Variants in WDR35 observed in about 807,000 individuals in gnomAD.
WDR35 encodes WD repeat domain 35.
WDR35 carries 118 observed loss-of-function variants against 158.3 expected under a neutral mutation model. The ratio of observed to expected loss-of-function variants is 0.75; its 90% CI spans 0.64 to 0.87. The LOEUF (loss-of-function observed/expected upper bound fraction) is 0.87. Among genes scored for constraint, WDR35 ranks in the 40% least tolerant of loss-of-function variants. The pLI, the probability that WDR35 is intolerant of heterozygous loss-of-function variation, is 0.00. For missense variants in WDR35, 1,263 were observed against 1,405.8 expected (o/e 0.90, Z 1.62); for synonymous variants, 448 against 476.1 (o/e 0.94, Z 0.77).
chr2:19,972,863 CA>C (rs1022668002), intron 8 of WDR35, among the ~76,000 whole-genome samples: 1 of 151,938 alleles, frequency 6.6e-6, no homozygotes, highest in Non-Finnish European at 1.5e-5. Context: ...ATAAGACATT[CA>C]AAAAACGTAT....
At chr2:19,957,464 A>G (rs886851698) in intron 11 of WDR35, among the ~76,000 whole-genome samples, 1 of 152,218 alleles carries the variant, frequency 6.6e-6, no homozygotes, top group Admixed American at 6.5e-5. Flanking sequence ...TTTTAGGACA[A>G]GAACACAGCC....
intron 25 of WDR35, among the ~76,000 whole-genome samples, chr2:19,919,618 C>G (rs532288990): frequency 5.7e-4 from 87 of 152,114 alleles, no homozygotes; most frequent in African/African-American, 1.8e-3. Context: ...ACTAAATGCC[C>G]ACATGGGAAA....
At chr2:19,981,845 A>G (rs913120741) in intron 3 of WDR35, among the ~76,000 whole-genome samples, 3 of 152,180 alleles carry the variant, frequency 2.0e-5, no homozygotes, top group Non-Finnish European at 4.4e-5. Context: ...ATCTGGAATC[A>G]TAGGACAGAT....
chr2:19,973,764 T>C (rs1672104926), intron 7 of WDR35, 56 bp from the exon 8 acceptor site: 6 of 1,564,870 alleles, frequency 3.8e-6, no homozygotes, highest in African/African-American at 1.4e-5. Flanking sequence ...CCTAGAGAAC[T>C]TTATAATCTT....
At chr2:19,931,936 A>G (rs575280403) in intron 23 of WDR35, among the ~76,000 whole-genome samples, 35 of 152,274 alleles carry the variant, frequency 2.3e-4, no homozygotes, top group African/African-American at 7.5e-4. Flanking sequence ...GTAAAGCGTA[A>G]TATTTAAAAC....
intron 25 of WDR35, among the ~76,000 whole-genome samples, chr2:19,914,800 A>ATG (rs1236804429): frequency 2.6e-5 from 4 of 152,166 alleles, no homozygotes; most frequent in Non-Finnish European, 2.9e-5. Context: ...TCACTGAAAC[A>ATG]ATAGGATTTT....
chr2:19,959,322 A>C (rs1172299207), intron 11 of WDR35, among the ~76,000 whole-genome samples: 2 of 152,104 alleles, frequency 1.3e-5, no homozygotes, highest in African/African-American at 4.8e-5. Flanking sequence ...AAAACTTTGG[A>C]TATTAAAAGA....
At position 19,914,803 on chromosome 2, in the gene WDR35, A is replaced by G. The variant is rs564403975; in HGVS notation, c.3122-526T>C. On this transcript the variant is annotated intron_variant, in intron 25 of 26. Transcript: ENST00000281405. ...TTGTCATTTGTCTCACTGAAACAATAGGATTTTGTGAAAAAGTGAAAATGA... is the reference window on the plus strand; with the variant it reads ...TTGTCATTTGTCTCACTGAAACAATGGGATTTTGTGAAAAAGTGAAAATGA... 1.4e-3 allele frequency among the ~76,000 whole-genome samples: 213 copies of G among 152,312 alleles called. 2 individuals are homozygous for G. Among genetic ancestry groups the G allele is most frequent in the African/African-American group, 5.0e-3 (207 of 41,564 alleles).
chr2:19,976,036 A>C (rs376973713), intron 5 of WDR35, among the ~76,000 whole-genome samples: 6 of 152,300 alleles, frequency 3.9e-5, no homozygotes, highest in African/African-American at 1.4e-4. Flanking sequence ...CCACTAATAC[A>C]AAAGAAGAGG....
At chr2:19,982,800 C>A (rs1383248460) in intron 2 of WDR35, among the ~76,000 whole-genome samples, 15 of 151,950 alleles carry the variant, frequency 9.9e-5, no homozygotes, top group Admixed American at 9.8e-4. Flanking sequence ...TATTCCTTTC[C>A]AAAAGACCAC....
intron 11 of WDR35, among the ~76,000 whole-genome samples, chr2:19,955,365 T>G (rs1671393252): frequency 6.6e-6 from 1 of 152,214 alleles, no homozygotes; most frequent in Non-Finnish European, 1.5e-5. Context: ...TGGAAATATA[T>G]TCTCCTAAGC....
chr2:19,946,064 T>TA, intron 15 of WDR35, 68 bp from the exon 16 acceptor site: 1 of 1,469,202 alleles, frequency 6.8e-7, no homozygotes, highest in African/African-American at 1.4e-5. Context: ...TGAGAATAAT[T>TA]ACCTATAGCC....
chr2:19,956,992 A>T (rs1294734367), intron 11 of WDR35, among the ~76,000 whole-genome samples: 1 of 152,228 alleles, frequency 6.6e-6, no homozygotes, highest in Non-Finnish European at 1.5e-5. Context: ...TATATAACAC[A>T]TATTAACTCA....
intron 11 of WDR35, among the ~76,000 whole-genome samples, chr2:19,954,826 G>T (rs1356508304): frequency 3.9e-5 from 6 of 152,060 alleles, no homozygotes; most frequent in Non-Finnish European, 7.4e-5. Context: ...ATAAAAACAT[G>T]TCCACACAAA....
At chr2:19,984,041 ACATATATACAC>A (rs2103466896) in intron 2 of WDR35, among the ~76,000 whole-genome samples, 1 of 1,634 alleles carries the variant, frequency 6.1e-4, no homozygotes, top group African/African-American at 1.4e-3. Flanking sequence ...ATATATATAT[ACATATATACAC>A]ACACCCACAT....
intron 19 of WDR35, among the ~76,000 whole-genome samples, chr2:19,936,715 C>T (rs1327262497): frequency 6.6e-6 from 1 of 152,166 alleles, no homozygotes; most frequent in African/African-American, 2.4e-5. Context: ...TTTTCACTTT[C>T]CACCATGTAA....
chr2:19,963,510 C>G (rs1219796784), intron 10 of WDR35, among the ~76,000 whole-genome samples: 3 of 152,068 alleles, frequency 2.0e-5, no homozygotes, highest in African/African-American at 7.2e-5. Flanking sequence ...TCTCTTGGAG[C>G]CTTCTGACCT....
At chr2:19,966,661 G>A (rs1358710352) in intron 10 of WDR35, 63 bp downstream of exon 10, 19 of 1,570,208 alleles carry the variant, frequency 1.2e-5, no homozygotes, top group Admixed American at 1.7e-5. Flanking sequence ...TGCTTGAAAA[G>A]GTAGAAAACT....
At chr2:19,960,482 G>A (rs1465240815) in intron 11 of WDR35, 72 bp downstream of exon 11, 9 of 1,209,472 alleles carry the variant, frequency 7.4e-6, no homozygotes, top group Non-Finnish European at 1.1e-5. Context: ...AATAATACCA[G>A]TGTTAGGTTT....
Sources: gnomAD v4.1 joint callset for allele counts (sites outside exome capture counted in the v4.1 genomes callset) on GRCh38, gnomAD v4.1.1 for gene constraint, MANE v1.5 for transcripts, NCBI Gene and HGNC (gene_info 2026-07-23, HGNC 2026-07-21) for gene names.